Variants in GALNT5 observed in about 807,000 individuals in gnomAD.
GALNT5 encodes the protein polypeptide N-acetylgalactosaminyltransferase 5, also known as UDP-GalNAc:polypeptide N-acetylgalactosaminyltransferase 5.
In GALNT5, 72 loss-of-function variants were observed where a neutral mutation model predicts 85.4. That is an observed-to-expected ratio of 0.84 (90% CI 0.70 to 1.03). The LOEUF (loss-of-function observed/expected upper bound fraction) is 1.03, where lower values mean the gene tolerates loss of function less well. GALNT5 is among the 50% of genes least tolerant of loss of function. The pLI is 0.00. For missense variants in GALNT5, 1,137 were observed against 1,135.5 expected (o/e 1.00, Z -0.02); for synonymous variants, 404 against 397.0 (o/e 1.02, Z -0.21).
At chr2:157,268,201 G>A (rs902733893) in intron 1 of GALNT5, among the ~76,000 whole-genome samples, 5 of 152,164 alleles carry the variant, frequency 3.3e-5, no homozygotes, top group Non-Finnish European at 7.4e-5. Flanking sequence ...AAAATTCATA[G>A]AAATGAGAGA....
chr2:157,301,131 A>T, intron 7 of GALNT5, 132 bp downstream of exon 7: 1 of 667,374 alleles, frequency 1.5e-6, no homozygotes. Flanking sequence ...GGGACAAAGC[A>T]TGGCTGAGAA....
At position 157,259,093 on chromosome 2, in the gene GALNT5, G is replaced by C. The variant is rs778389979; in HGVS notation, c.1011G>C (p.Glu337Asp). ...AAGAGCAAAAGGCAGACCCCAAAGA[G>C]GTCTCTAATTCTAAAACCAAAACAA... ...KEEEQKADPK[E>D]VSNSKTKTIF... Residue 337 changes from glutamate (E) to aspartate (D), a missense_variant, in exon 1 of 10, where the codon GAG becomes GAC. Transcript: ENST00000259056. 4.1e-6 allele frequency: 6 copies of C among 1,479,338 alleles called. No homozygotes were observed. Among genetic ancestry groups the C allele is most frequent in the Non-Finnish European group, 4.5e-6 (5 of 1,113,458 alleles). The allele number at this position is 1,479,338 out of a possible 1,614,324, so 91.6% of individuals were successfully genotyped here.
intron 3 of GALNT5, among the ~76,000 whole-genome samples, chr2:157,286,560 C>G (rs1229728665): frequency 3.3e-5 from 5 of 151,994 alleles, no homozygotes; most frequent in African/African-American, 4.8e-5. Context: ...CTGGAGTGCA[C>G]TGGTGCCATC....
Position 157,311,313 on chromosome 2 carries a change from CA to C in GALNT5, c.2792del (p.Lys931SerfsTer13). ...TGCCTGTGACCCAGTGAAGCCATAT[CA>C]AAAGTGGAAATTTGAAAAATATTAT... is the stretch of plus-strand genomic sequence containing the variant. ...VAACDPVKPYQKWKFEKYYEA is the reference protein window; with the variant it reads ...VAACDPVKPYXKWKFEKYYEA On this transcript the variant is annotated frameshift_variant, in exon 10 of 10. Transcript: ENST00000259056. LOFTEE classifies it high-confidence loss of function. 1 of 1,609,262 alleles carries C rather than the reference CA, an allele frequency of 6.2e-7. No homozygotes were observed.
At chr2:157,308,878 G>T (rs1228486884) in intron 9 of GALNT5, 150 bp downstream of exon 9, 3 of 522,158 alleles carry the variant, frequency 5.7e-6, no homozygotes, top group South Asian at 3.8e-5. Context: ...GAGATGCATG[G>T]ATATCTTTCG....
chr2:157,267,890 A>G (rs1291525288), intron 1 of GALNT5, among the ~76,000 whole-genome samples: 1 of 152,240 alleles, frequency 6.6e-6, no homozygotes, highest in Non-Finnish European at 1.5e-5. Context: ...ACATGAAAAT[A>G]CAGTTTTTAT....
intron 1 of GALNT5, among the ~76,000 whole-genome samples, chr2:157,267,263 C>T (rs557791728): frequency 2.0e-5 from 3 of 152,182 alleles, no homozygotes; most frequent in South Asian, 4.2e-4. Flanking sequence ...GCAATGAGGA[C>T]GTAAATGAGG....
intron 7 of GALNT5, among the ~76,000 whole-genome samples, chr2:157,303,497 TA>T (rs1313968780): frequency 7.9e-6 from 1 of 126,028 alleles, no homozygotes; most frequent in Non-Finnish European, 1.5e-5. Context: ...ATACACTGCC[TA>T]TTTTTTTTAA....
rs975618304 is a variant in GALNT5 at position 157,314,230 on chromosome 2, T to G, written c.*2882T>G. 5 of 148,980 alleles carry G rather than the reference T, an allele frequency of 3.4e-5. No homozygotes were observed. Among genetic ancestry groups the G allele is most frequent in the African/African-American group, 1.3e-4 (5 of 39,842 alleles). The allele number at this position is 148,980 out of a possible 1,614,324, so 9.2% of individuals were successfully genotyped here. A position where few individuals can be genotyped will look rare whatever the true frequency, so the allele number is the denominator to read the frequency against. ...TTACTTTAAAAAAAAAAAAAAAAAGTCTATGCATCTTGTTACCTTGAATAC... is the reference window on the plus strand; with the variant it reads ...TTACTTTAAAAAAAAAAAAAAAAAGGCTATGCATCTTGTTACCTTGAATAC... On this transcript the variant is annotated 3_prime_UTR_variant, in exon 10 of 10. Transcript: ENST00000259056.
At chr2:157,289,286 T>C (rs1439098523) in intron 3 of GALNT5, among the ~76,000 whole-genome samples, 2 of 152,200 alleles carry the variant, frequency 1.3e-5, no homozygotes, top group Admixed American at 6.5e-5. Context: ...ACATCCATAA[T>C]GTAATTTATT....
intron 3 of GALNT5, among the ~76,000 whole-genome samples, chr2:157,293,059 G>A (rs903212971): frequency 3.3e-5 from 5 of 152,140 alleles, no homozygotes; most frequent in African/African-American, 4.8e-5. Context: ...AGCAGGCCAC[G>A]CTTCATACAC....
Position 157,259,476 on chromosome 2 carries a change from A to G in GALNT5, c.1394A>G (p.Asn465Ser). ...AERRWKEGNF[N>S]VYLSDLIPVD... ...AGAAGATGGAAAGAAGGAAACTTCA[A>G]TGTCTACCTTAGCGATTTGATCCCA... Residue 465 changes from asparagine (N) to serine (S), a missense_variant, in exon 1 of 10, where the codon AAT (asparagine) becomes AGT (serine). By Grantham distance (46) the Asn-to-Ser change is conservative. Transcript: ENST00000259056. The G allele has an allele frequency of 4.8e-6, 7 of 1,456,908 alleles. No homozygotes were observed. Among genetic ancestry groups the G allele is most frequent in the Non-Finnish European group, 6.4e-6 (7 of 1,102,072 alleles). 90.2% of individuals were successfully genotyped at this position (1,456,908 alleles called of 1,614,324 possible). A position where few individuals can be genotyped will look rare whatever the true frequency, so the allele number is the denominator to read the frequency against.
Position 157,284,376 on chromosome 2 carries a change from C to T in GALNT5, c.1549C>T (p.His517Tyr). 4 of 1,613,786 alleles carry T rather than the reference C, an allele frequency of 2.5e-6. No individual in the cohort carries two copies. Among genetic ancestry groups the T allele is most frequent in the Non-Finnish European group, 3.4e-6 (4 of 1,179,654 alleles). ...GTGGTCCACTCTCCTGAGATCTGTT[C>T]ACAGTGTCATCAATCGCTCTCCTCC... ...EVWSTLLRSV[H>Y]SVINRSPPHL... Residue 517 changes from histidine to tyrosine, a missense_variant, in exon 2 of 10, where the codon CAC (histidine) becomes TAC (tyrosine). By Grantham distance (83) the His-to-Tyr change is moderately conservative. Coordinates refer to ENST00000259056, the MANE Select transcript of GALNT5 (RefSeq NM_014568.3).
rs561122538 is a variant in GALNT5, at chr2:157,313,853, T to G, written c.*2505T>G. 1 of 152,278 alleles carries G rather than the reference T, an allele frequency of 6.6e-6. No homozygotes were observed. The highest frequency in any genetic ancestry group is 2.1e-4 in the South Asian group (1 of 4,828). The allele number at this position is 152,278 out of a possible 1,614,324, so 9.4% of individuals were successfully genotyped here. On this transcript the variant is annotated 3_prime_UTR_variant, in exon 10 of 10. Coordinates refer to ENST00000259056, the MANE Select transcript of GALNT5 (RefSeq NM_014568.3). The stretch of plus-strand genomic sequence containing the variant: ...ATATTGTCAATATAACAAAGGATTG[T>G]TTTTGAACATCACAAATTTGTTCTT...
chr2:157,258,026 C>T lies in GALNT5; in HGVS notation c.-57C>T, dbSNP rs1278292933. On this transcript the variant is annotated 5_prime_UTR_variant, in exon 1 of 10. Transcript: ENST00000259056. ...GCTGCTGCTGCTACTTCAGCTTCCT[C>T]TCCACTCAAGGTAAGCAGGCTAAGG... 1 of 1,594,548 alleles carries T rather than the reference C, an allele frequency of 6.3e-7. No individual in the cohort carries two copies.
Position 157,258,181 on chromosome 2 carries a change from C to G in GALNT5, c.99C>G (p.Leu33=). 6.2e-7 allele frequency: 1 copy of G among 1,612,358 alleles called. No individual in the cohort carries two copies. Among genetic ancestry groups the G allele is most frequent in the Non-Finnish European group, 8.5e-7 (1 of 1,179,468 alleles). ...GGCTCCTCTTTGACATGGCAGCTCT[C>G]CGCCTCTCATTCAGTGAGATCAACA... is the stretch of plus-strand genomic sequence containing the variant. The part of the protein sequence containing the change: ...VIWLLFDMAA[L]RLSFSEINTR... Residue 33 remains leucine (L), a synonymous_variant, in exon 1 of 10, where the codon CTC becomes CTG. Coordinates refer to ENST00000259056, the MANE Select transcript of GALNT5 (RefSeq NM_014568.3).
chr2:157,294,521 C>T (rs1016907404), intron 3 of GALNT5, among the ~76,000 whole-genome samples: 1 of 152,084 alleles, frequency 6.6e-6, no homozygotes, highest in African/African-American at 2.4e-5. Flanking sequence ...AATGGAGGCA[C>T]CTGAGTTAGG....
At position 157,312,512 on chromosome 2, in the gene GALNT5, G is replaced by C. The variant is rs1239479154; in HGVS notation, c.*1164G>C. ...AAAGCCCTCAGTGTGAACCCAGTGA[G>C]AACACTGACAAATTTGGGAAAAGTT... is the stretch of plus-strand genomic sequence containing the variant. On this transcript the variant is annotated 3_prime_UTR_variant, in exon 10 of 10. Coordinates refer to ENST00000259056, the MANE Select transcript of GALNT5 (RefSeq NM_014568.3). The C allele has an allele frequency of 6.6e-6, 1 of 151,928 alleles. No homozygotes were observed. 9.4% of individuals were successfully genotyped at this position (151,928 alleles called of 1,614,324 possible). A position where few individuals can be genotyped will look rare whatever the true frequency, so the allele number is the denominator to read the frequency against.
chr2:157,300,244 AG>A (rs2105161909), intron 6 of GALNT5, among the ~76,000 whole-genome samples: 1 of 152,324 alleles, frequency 6.6e-6, no homozygotes, highest in East Asian at 1.9e-4. Context: ...TGTATGTAAA[AG>A]GGTGTAATTT....
Sources: gnomAD v4.1 joint callset for allele counts (sites outside exome capture counted in the v4.1 genomes callset) on GRCh38, gnomAD v4.1.1 for gene constraint, MANE v1.5 for transcripts, NCBI Gene and HGNC (gene_info 2026-07-23, HGNC 2026-07-21) for gene names.